The following ZNF385D variants were observed in gnomAD, a reference collection of about 807,000 sequenced individuals.
ZNF385D encodes zinc finger protein 385D.
In ZNF385D, 15 loss-of-function variants were observed where a neutral mutation model predicts 35.8. That is an observed-to-expected ratio of 0.42 (90% CI 0.28 to 0.64). The LOEUF is 0.64. Ranked by LOEUF, ZNF385D falls within the 30% of genes least tolerant of loss-of-function variation. The pLI is 0.23. For missense variants in ZNF385D, 474 were observed against 494.6 expected, an observed-to-expected ratio of 0.96 and a Z score of 0.39; for synonymous variants, 212 against 186.8, an observed-to-expected ratio of 1.13 and a Z score of -1.10.
chr3:22,360,969 C>A (rs1027590990), intron 2 of ZNF385D, among the ~76,000 whole-genome samples: 1 of 151,846 alleles, frequency 6.6e-6, no homozygotes, highest in African/African-American at 2.4e-5. Flanking sequence ...CTATTATTAC[C>A]CAAACCTTTT....
intron 4 of ZNF385D, among the ~76,000 whole-genome samples, chr3:21,503,680 TTGAC>T (rs1304110557): frequency 6.6e-6 from 1 of 152,170 alleles, no homozygotes; most frequent in Non-Finnish European, 1.5e-5. Context: ...GACCTTAAAA[TTGAC>T]TGACCTTCCT....
chr3:22,356,691 T>A (rs1042395195), intron 2 of ZNF385D, among the ~76,000 whole-genome samples: 4 of 151,898 alleles, frequency 2.6e-5, no homozygotes, highest in African/African-American at 9.7e-5. Flanking sequence ...GAGATGGCAA[T>A]AGAGGAATCG....
intron 3 of ZNF385D, among the ~76,000 whole-genome samples, chr3:21,928,257 A>G (rs1294329783): frequency 1.4e-5 from 2 of 140,374 alleles, no homozygotes; most frequent in African/African-American, 5.3e-5. Context: ...AAAGGAAGGA[A>G]GAAGGAAGGA....
intron 3 of ZNF385D, among the ~76,000 whole-genome samples, chr3:21,971,928 C>T (rs1703285509): frequency 6.6e-6 from 1 of 151,858 alleles, no homozygotes; most frequent in Non-Finnish European, 1.5e-5. Context: ...AATATATATG[C>T]ACCCAACACT....
rs1700806722 is a variant in ZNF385D at position 21,422,832 on chromosome 3, A to G, written c.954+1131T>C. Among the ~76,000 whole-genome samples, 3 of 152,306 alleles carry G rather than the reference A, an allele frequency of 2.0e-5. No homozygotes were observed. The South Asian group carries it at 6.2e-4, about 32-fold the overall frequency. ...TCAATAAACCATGTAATGAGGGAAC[A>G]CATCTCAAAATAATAAGAGCCGTGT... On this transcript the variant is annotated intron_variant, in intron 7 of 7. Transcript: ENST00000281523.
At chr3:21,685,902 T>C (rs73138849) in intron 1 of ZNF385D, among the ~76,000 whole-genome samples, 1,825 of 152,146 alleles carry the variant, frequency 0.012, 34 homozygotes, top group African/African-American at 0.041. Context: ...TCCCAGGCAA[T>C]AATTCCTCAA....
chr3:21,569,658 C>G (rs557186866), intron 2 of ZNF385D, among the ~76,000 whole-genome samples: 151 of 151,260 alleles, frequency 1.0e-3, no homozygotes, highest in African/African-American at 3.5e-3. Context: ...TTCCTCGTCT[C>G]GATGGTCTTT....
At chr3:21,578,504 T>TAA (rs1237630179) in intron 2 of ZNF385D, among the ~76,000 whole-genome samples, 2 of 152,190 alleles carry the variant, frequency 1.3e-5, no homozygotes, top group Non-Finnish European at 2.9e-5. Context: ...GATTTTTATA[T>TAA]AATATATGGG....
At chr3:21,903,598 A>G (rs1699526350) in intron 3 of ZNF385D, among the ~76,000 whole-genome samples, 1 of 152,194 alleles carries the variant, frequency 6.6e-6, no homozygotes. Flanking sequence ...GCAGTGGTAT[A>G]AAAATTTCTC....
chr3:21,581,597 T>C (rs955807667), intron 2 of ZNF385D, among the ~76,000 whole-genome samples: 1 of 152,174 alleles, frequency 6.6e-6, no homozygotes, highest in Non-Finnish European at 1.5e-5. Flanking sequence ...TTGTCAATCA[T>C]TTTAAGGAGA....
chr3:21,713,343 T>C (rs916545672), intron 1 of ZNF385D, among the ~76,000 whole-genome samples: 3 of 152,202 alleles, frequency 2.0e-5, no homozygotes, highest in Admixed American at 1.3e-4. Context: ...TCTTCTTCAA[T>C]GATGTTTCTT....
At chr3:21,459,558 T>C (rs1315649678) in intron 4 of ZNF385D, 6 of 152,056 alleles carry the variant, frequency 3.9e-5, no homozygotes, top group Non-Finnish European at 7.4e-5. Flanking sequence ...AATTAAATGG[T>C]GTGGACAATA....
intron 3 of ZNF385D, among the ~76,000 whole-genome samples, chr3:21,992,190 C>T (rs576279270): frequency 3.4e-4 from 51 of 152,146 alleles, no homozygotes; most frequent in African/African-American, 1.1e-3. Flanking sequence ...TATTGCCAAA[C>T]AGACAACATA....
intron 2 of ZNF385D, among the ~76,000 whole-genome samples, chr3:22,283,739 T>C (rs1701886168): frequency 6.6e-6 from 1 of 152,158 alleles, no homozygotes; most frequent in South Asian, 2.1e-4. Context: ...ATGTGCTCAG[T>C]CTGTTCCCTA....
chr3:21,896,539 C>T (rs1699146749), intron 3 of ZNF385D, among the ~76,000 whole-genome samples: 2 of 152,078 alleles, frequency 1.3e-5, no homozygotes, highest in Non-Finnish European at 2.9e-5. Flanking sequence ...TTTTTTTCCC[C>T]CTGGTATATT....
intron 3 of ZNF385D, among the ~76,000 whole-genome samples, chr3:21,799,993 T>C (rs973366731): frequency 2.0e-5 from 3 of 152,166 alleles, no homozygotes; most frequent in African/African-American, 2.4e-5. Flanking sequence ...CTCAGAAATA[T>C]TGGTTGAAAA....
intron 3 of ZNF385D, among the ~76,000 whole-genome samples, chr3:21,884,294 A>C (rs1305439112): frequency 6.6e-6 from 1 of 151,972 alleles, no homozygotes; most frequent in Non-Finnish European, 1.5e-5. Context: ...TGCCTTGCAA[A>C]CAGTAGACAA....
intron 3 of ZNF385D, among the ~76,000 whole-genome samples, chr3:21,931,385 C>A (rs1433521355): frequency 6.6e-6 from 1 of 152,130 alleles, no homozygotes; most frequent in African/African-American, 2.4e-5. Flanking sequence ...AATAATTTGG[C>A]AATTTCTGAA....
intron 4 of ZNF385D, among the ~76,000 whole-genome samples, chr3:21,508,775 A>AATACTG: frequency 6.6e-6 from 1 of 152,312 alleles, no homozygotes; most frequent in Non-Finnish European, 1.5e-5. Flanking sequence ...TACACTTTGG[A>AATACTG]ATACTGACTT....
Sources: gnomAD v4.1 joint callset for allele counts (sites outside exome capture counted in the v4.1 genomes callset) on GRCh38, gnomAD v4.1.1 for gene constraint, MANE v1.5 for transcripts, NCBI Gene and HGNC (gene_info 2026-07-23, HGNC 2026-07-21) for gene names.